Variants in SLC27A1 observed in about 807,000 individuals in gnomAD.
SLC27A1 encodes solute carrier family 27 member 1.
SLC27A1 carries 61 observed loss-of-function variants against 62.2 expected under a neutral mutation model. The observed-to-expected ratio is 0.98, with a 90% CI of 0.80 to 1.21. The LOEUF (loss-of-function observed/expected upper bound fraction) is 1.21. Ranked by LOEUF, SLC27A1 falls within the 50% of genes most tolerant of loss-of-function variation. The pLI, the probability that SLC27A1 is intolerant of heterozygous loss-of-function variation, is 0.00. For synonymous variants in SLC27A1, 435 were observed against 408.6 expected (o/e 1.06, Z -0.78); for missense variants, 903 against 932.1 (o/e 0.97, Z 0.41).
rs527887902 is a variant in SLC27A1 at position 17,477,239 on chromosome 19, G to A, written c.167+6532G>A. On this transcript the variant is annotated intron_variant, in intron 1 of 11. Coordinates refer to ENST00000252595, the MANE Select transcript of SLC27A1 (RefSeq NM_198580.3). ...TTTATTGGTTGAATGGATGAGCAGC[G>A]CTTTTTTTTTTTTTTTTTTTTTTTT... Among the ~76,000 whole-genome samples, 473 of 49,078 alleles carry A rather than the reference G, an allele frequency of 9.6e-3. 1 individual carries two copies. Among genetic ancestry groups the A allele is most frequent in the African/African-American group, 0.036 (447 of 12,406 alleles). 32.2% of individuals were successfully genotyped at this position (49,078 alleles called of 152,430 possible).
At chr19:17,497,182 G>C (rs1599668605) in intron 6 of SLC27A1, 73 bp from the exon 7 acceptor site, 1 of 1,298,220 alleles carries the variant, frequency 7.7e-7, no homozygotes, top group Admixed American at 2.5e-5. Context: ...GGGCGGTCTC[G>C]GGGTCTCTCC....
intron 1 of SLC27A1, among the ~76,000 whole-genome samples, chr19:17,476,628 G>A (rs1483128998): frequency 2.0e-5 from 3 of 151,826 alleles, no homozygotes; most frequent in Admixed American, 6.6e-5. Flanking sequence ...TGGCTACGTC[G>A]CCAGCACTTG....
At chr19:17,502,186 T>A (rs1013797377) in intron 11 of SLC27A1, among the ~76,000 whole-genome samples, 6 of 152,014 alleles carry the variant, frequency 3.9e-5, no homozygotes, top group Non-Finnish European at 7.4e-5. Flanking sequence ...CATTTACTCA[T>A]CCTAGTTCAG....
Position 17,497,417 on chromosome 19 carries a change from T to C in SLC27A1, c.1159T>C (p.Tyr387His). The C allele has an allele frequency of 6.2e-7, 1 of 1,605,644 alleles. No homozygotes were observed. Among genetic ancestry groups the C allele is most frequent in the Non-Finnish European group, 8.5e-7 (1 of 1,177,372 alleles). ...RFGVRQIGEF[Y>H]GATECNCSIA... ...CGGCGTACGCCAAATCGGGGAGTTC[T>C]ACGGCGCCACCGAGTGCAACTGCAG... The change falls in exon 7 of 12, where the codon TAC (tyrosine) becomes CAC (histidine). Residue 387 changes from tyrosine (Y) to histidine (H), a missense_variant. By Grantham distance (83) the Tyr-to-His change is moderately conservative. Transcript: ENST00000252595.
chr19:17,494,348 G>A (rs1334458602), intron 6 of SLC27A1, among the ~76,000 whole-genome samples: 1 of 149,798 alleles, frequency 6.7e-6, no homozygotes, highest in Admixed American at 6.7e-5. Flanking sequence ...TTCTTTTTGA[G>A]ACGGAGTCTC....
chr19:17,472,394 CAAA>C (rs1241729442), intron 1 of SLC27A1, among the ~76,000 whole-genome samples: 1 of 65,774 alleles, frequency 1.5e-5, no homozygotes. Context: ...GACTCCGTCT[CAAA>C]AAAAAAAAAA....
rs1221324202 is a variant in SLC27A1 at position 17,477,240 on chromosome 19, C to CTTTTTTTTTTTTTTTTTTTTT, written c.167+6537_167+6557dup. 2.7e-4 allele frequency among the ~76,000 whole-genome samples: 12 copies of CTTTTTTTTTTTTTTTTTTTTT among 43,808 alleles called. 4 individuals carry two copies. The highest frequency in any genetic ancestry group is 4.0e-4 in the Non-Finnish European group (10 of 24,866). The allele number at this position is 43,808 out of a possible 152,430, so 28.7% of individuals were successfully genotyped here. A position where few individuals can be genotyped will look rare whatever the true frequency, so the allele number is the denominator to read the frequency against. ...TTATTGGTTGAATGGATGAGCAGCG[C>CTTTTTTTTTTTTTTTTTTTTT]TTTTTTTTTTTTTTTTTTTTTTTTG... On this transcript the variant is annotated intron_variant, in intron 1 of 11. Coordinates refer to ENST00000252595, the MANE Select transcript of SLC27A1 (RefSeq NM_198580.3).
At position 17,500,705 on chromosome 19, in the gene SLC27A1, CTGCCAGG is replaced by C; in HGVS notation, c.1472-4_1474del. 6.2e-7 allele frequency: 1 copy of C among 1,614,174 alleles called. No individual in the cohort carries two copies. Among genetic ancestry groups the C allele is most frequent in the Non-Finnish European group, 8.5e-7 (1 of 1,180,024 alleles). ...CTCCACCCATCTGCCCCTCTCCCCT[CTGCCAGG>C]TGACGTGCTAGTGATGGATGAGCTG... is the stretch of plus-strand genomic sequence containing the variant. On this transcript the variant is annotated splice_acceptor_variant and splice_polypyrimidine_tract_variant and coding_sequence_variant and intron_variant, in exon 10 of 12. Coordinates refer to ENST00000252595, the MANE Select transcript of SLC27A1 (RefSeq NM_198580.3). LOFTEE classifies it high-confidence loss of function.
In SLC27A1 at chr19:17,487,290, G is replaced by C; in HGVS notation, c.679G>C (p.Ala227Pro). ...THLLDPLLKEASTAPLAQIPS... is the reference protein window; with the variant it reads ...THLLDPLLKEPSTAPLAQIPS... Reference sequence around the variant, plus strand: ...CCTCCTGGACCCGCTGCTGAAGGAGGCCTCTACTGCCCCCTTGGCACAGAT... The same window carrying C: ...CCTCCTGGACCCGCTGCTGAAGGAGCCCTCTACTGCCCCCTTGGCACAGAT... The change falls in exon 3 of 12, where the codon GCC (alanine) becomes CCC (proline). Residue 227 changes from alanine to proline, a missense_variant. Ala to Pro is a conservative substitution (Grantham distance 27, BLOSUM62 -1). Coordinates refer to ENST00000252595, the MANE Select transcript of SLC27A1 (RefSeq NM_198580.3). The C allele has an allele frequency of 6.2e-7, 1 of 1,613,476 alleles. No individual in the cohort carries two copies. The highest frequency in any genetic ancestry group is 8.5e-7 in the Non-Finnish European group (1 of 1,179,802).
At chr19:17,476,348 C>T (rs1358642485) in intron 1 of SLC27A1, among the ~76,000 whole-genome samples, 8 of 151,958 alleles carry the variant, frequency 5.3e-5, no homozygotes, top group Admixed American at 5.3e-4. Flanking sequence ...CTAGCCTGGC[C>T]AACGTGGCGA....
At chr19:17,502,344 GTTTTTT>G (rs1231886797) in intron 11 of SLC27A1, among the ~76,000 whole-genome samples, 1 of 15,696 alleles carries the variant, frequency 6.4e-5, no homozygotes, top group Admixed American at 8.4e-4. Flanking sequence ...TGTTTTTTTT[GTTTTTT>G]TTTTTTTTTT....
rs1163024604 is a variant in SLC27A1, at chr19:17,470,551, C to T, written c.11C>T (p.Pro4Leu). The change falls in exon 1 of 12, where the codon CCG becomes CTG. Residue 4 changes from proline (P) to leucine (L), a missense_variant. By Grantham distance (98) the Pro-to-Leu change is moderately conservative. Coordinates refer to ENST00000252595, the MANE Select transcript of SLC27A1 (RefSeq NM_198580.3). ...CTCTGCTTCCCCAGGATGCGGGCTC[C>T]GGGTGCGGGCGCGGCCTCGGTGGTC... is the stretch of plus-strand genomic sequence containing the variant. MRA[P>L]GAGAASVVSL... 3.9e-6 allele frequency: 6 copies of T among 1,556,244 alleles called. No individual in the cohort carries two copies. Among genetic ancestry groups the T allele is most frequent in the Admixed American group, 3.7e-5 (2 of 54,660 alleles).
chr19:17,485,959 A>T (rs2144573164), intron 1 of SLC27A1, among the ~76,000 whole-genome samples: 1 of 152,228 alleles, frequency 6.6e-6, no homozygotes, highest in South Asian at 2.1e-4. Flanking sequence ...TCTGCCCGTT[A>T]TATCTACTAG....
At chr19:17,493,320 C>A (rs139341162) in intron 6 of SLC27A1, among the ~76,000 whole-genome samples, 2 of 131,694 alleles carry the variant, frequency 1.5e-5, no homozygotes, top group African/African-American at 5.9e-5. Flanking sequence ...CCCAGCTACC[C>A]GGGAGGCTGA....
intron 1 of SLC27A1, among the ~76,000 whole-genome samples, chr19:17,471,145 G>A (rs1372051551): frequency 1.3e-5 from 2 of 151,522 alleles, no homozygotes; most frequent in South Asian, 4.2e-4. Context: ...AGGTCACCGG[G>A]GCTCACAGGG....
At chr19:17,492,108 C>T (rs75492263) in intron 6 of SLC27A1, among the ~76,000 whole-genome samples, 1 of 152,108 alleles carries the variant, frequency 6.6e-6, no homozygotes, top group South Asian at 2.1e-4. Context: ...CACCAGATGC[C>T]AGTAGCAGTC....
At chr19:17,500,020 T>G (rs920742655) in intron 7 of SLC27A1, 4 of 527,130 alleles carry the variant, frequency 7.6e-6, no homozygotes, top group East Asian at 3.3e-5. Context: ...CCTGCCAGCA[T>G]GGAGGGTTTT....
intron 7 of SLC27A1, 187 bp from the exon 8 acceptor site, chr19:17,500,091 G>GT: frequency 1.2e-6 from 1 of 860,784 alleles, no homozygotes. Flanking sequence ...GGCTGGGAAG[G>GT]TGGGAGGAGG....
chr19:17,497,418 A>T lies in SLC27A1; in HGVS notation c.1160A>T (p.Tyr387Phe). ...GGCGTACGCCAAATCGGGGAGTTCTACGGCGCCACCGAGTGCAACTGCAGC... is the reference window on the plus strand; with the variant it reads ...GGCGTACGCCAAATCGGGGAGTTCTTCGGCGCCACCGAGTGCAACTGCAGC... ...RFGVRQIGEF[Y>F]GATECNCSIA... The change falls in exon 7 of 12, where the codon TAC becomes TTC. Residue 387 changes from tyrosine (Y) to phenylalanine (F), a missense_variant. By Grantham distance (22) the Tyr-to-Phe change is conservative (BLOSUM62 3). Coordinates refer to ENST00000252595, the MANE Select transcript of SLC27A1 (RefSeq NM_198580.3). The T allele has an allele frequency of 6.2e-7, 1 of 1,603,598 alleles. No homozygotes were observed. Among genetic ancestry groups the T allele is most frequent in the Non-Finnish European group, 8.5e-7 (1 of 1,176,612 alleles).
Sources: allele counts gnomAD v4.1 joint callset (sites outside exome capture counted in the v4.1 genomes callset), GRCh38; gene constraint gnomAD v4.1.1; transcripts MANE v1.5; gene names NCBI Gene and HGNC (gene_info 2026-07-23, HGNC 2026-07-21).